AGBL4: variants seen among roughly 807,000 people sequenced by gnomAD.
The protein encoded by AGBL4 is cytosolic carboxypeptidase 6.
In AGBL4, 58 loss-of-function variants were observed where a neutral mutation model predicts 66.4. The ratio of observed to expected loss-of-function variants is 0.87; its 90% CI spans 0.71 to 1.09. The LOEUF (loss-of-function observed/expected upper bound fraction) is 1.09, where lower values mean the gene tolerates loss of function less well. Ranked by LOEUF, AGBL4 falls within the 50% of genes least tolerant of loss-of-function variation. AGBL4 has a pLI of 0.00. For synonymous variants in AGBL4, 234 were observed against 222.9 expected, an observed-to-expected ratio of 1.05 and a Z score of -0.44; for missense variants, 579 against 631.0, an observed-to-expected ratio of 0.92 and a Z score of 0.88.
At chr1:48,839,582 G>C (rs1467224471) in intron 6 of AGBL4, among the ~76,000 whole-genome samples, 1 of 152,156 alleles carries the variant, frequency 6.6e-6, no homozygotes, top group African/African-American at 2.4e-5. Context: ...AAGGTTAGTG[G>C]AGAGGGGAGA....
intron 3 of AGBL4, among the ~76,000 whole-genome samples, chr1:49,382,476 A>T (rs916090834): frequency 5.3e-5 from 8 of 152,130 alleles, no homozygotes; most frequent in African/African-American, 1.9e-4. Context: ...TCATGATGAA[A>T]AAAAAAGTCA....
intron 3 of AGBL4, among the ~76,000 whole-genome samples, chr1:49,297,597 C>T (rs184307668): frequency 1.1e-4 from 17 of 152,174 alleles, no homozygotes; most frequent in Admixed American, 3.9e-4. Flanking sequence ...CTTGGTTTCT[C>T]GCATTTAGTA....
At chr1:48,757,348 ATT>A (rs1262534373) in intron 6 of AGBL4, among the ~76,000 whole-genome samples, 2 of 152,216 alleles carry the variant, frequency 1.3e-5, no homozygotes, top group Non-Finnish European at 2.9e-5. Context: ...TACATTTATG[ATT>A]TCTCTTTGAG....
intron 3 of AGBL4, among the ~76,000 whole-genome samples, chr1:49,448,688 T>C (rs1053843670): frequency 2.0e-5 from 3 of 152,204 alleles, no homozygotes; most frequent in African/African-American, 7.2e-5. Flanking sequence ...GAGGAAAGAA[T>C]GTTGGCAAAC....
intron 4 of AGBL4, among the ~76,000 whole-genome samples, chr1:49,229,368 T>G (rs1488672599): frequency 1.3e-5 from 2 of 152,208 alleles, no homozygotes; most frequent in Non-Finnish European, 2.9e-5. Flanking sequence ...GAAGAACATT[T>G]TTTAAAAAGA....
intron 5 of AGBL4, among the ~76,000 whole-genome samples, chr1:49,012,081 C>G (rs1857337): frequency 0.028 from 4,181 of 151,778 alleles, 168 homozygotes; most frequent in African/African-American, 0.096. Context: ...TCCCCCACCC[C>G]CTCCAAGTAT....
At chr1:49,813,949 T>C (rs530706833) in intron 2 of AGBL4, among the ~76,000 whole-genome samples, 7 of 152,116 alleles carry the variant, frequency 4.6e-5, no homozygotes, top group East Asian at 3.9e-4. Context: ...ATTCTCATGA[T>C]AGTGAATATG....
intron 5 of AGBL4, among the ~76,000 whole-genome samples, chr1:49,008,048 G>A (rs1029624858): frequency 6.6e-6 from 1 of 152,102 alleles, no homozygotes; most frequent in East Asian, 1.9e-4. Flanking sequence ...AAATGTAAAT[G>A]GACTAAATGC....
chr1:50,019,306 T>TCACA (rs35648756), intron 1 of AGBL4, among the ~76,000 whole-genome samples: 3,900 of 48,330 alleles, frequency 0.081, 285 homozygotes, highest in Middle Eastern at 0.17. Context: ...TCTCTCTCTC[T>TCACA]CACACACACA....
At chr1:49,368,390 T>C (rs1167622861) in intron 3 of AGBL4, among the ~76,000 whole-genome samples, 1 of 152,222 alleles carries the variant, frequency 6.6e-6, no homozygotes, top group Non-Finnish European at 1.5e-5. Context: ...ATGAGGTTAA[T>C]CTTTTAAAAG....
chr1:48,689,563 T>C (rs1381289884), intron 6 of AGBL4, among the ~76,000 whole-genome samples: 1 of 151,898 alleles, frequency 6.6e-6, no homozygotes, highest in Non-Finnish European at 1.5e-5. Context: ...GCACTAGGGC[T>C]GGGGTAATCT....
intron 3 of AGBL4, among the ~76,000 whole-genome samples, chr1:49,640,833 A>T (rs1380379006): frequency 6.6e-6 from 1 of 152,182 alleles, no homozygotes; most frequent in Non-Finnish European, 1.5e-5. Flanking sequence ...AATCTAGTGC[A>T]TAACACCAGA....
At chr1:49,659,954 G>T (rs1646234692) in intron 3 of AGBL4, among the ~76,000 whole-genome samples, 1 of 152,042 alleles carries the variant, frequency 6.6e-6, no homozygotes, top group African/African-American at 2.4e-5. Context: ...ATTAACTCAA[G>T]ACGGATAAAA....
At chr1:49,925,666 T>C (rs6697839) in intron 1 of AGBL4, among the ~76,000 whole-genome samples, 104,354 of 152,018 alleles carry the variant, frequency 0.69, 36,594 homozygotes, top group African/African-American at 0.78. Context: ...ACATGAGCCC[T>C]ACACCTGGCA....
downstream of AGBL4, among the ~76,000 whole-genome samples, chr1:48,530,835 G>C (rs952716247): frequency 1.3e-5 from 2 of 152,186 alleles, no homozygotes; most frequent in African/African-American, 4.8e-5. Flanking sequence ...GAAATGCACA[G>C]AACACTGCTT....
intron 4 of AGBL4, among the ~76,000 whole-genome samples, chr1:49,089,083 T>C (rs1011727100): frequency 1.3e-5 from 2 of 151,838 alleles, no homozygotes; most frequent in Admixed American, 6.6e-5. Context: ...TCTCAGAATC[T>C]CTGGGACACA....
intron 4 of AGBL4, among the ~76,000 whole-genome samples, chr1:49,129,385 C>T (rs1462185725): frequency 6.6e-6 from 1 of 151,576 alleles, no homozygotes; most frequent in Admixed American, 6.6e-5. Flanking sequence ...CATATGTATA[C>T]ATGTGCCATG....
intron 3 of AGBL4, among the ~76,000 whole-genome samples, chr1:49,695,858 C>T (rs1008825556): frequency 6.6e-6 from 1 of 152,066 alleles, no homozygotes; most frequent in Non-Finnish European, 1.5e-5. Context: ...AGCAAAGTGG[C>T]TGTATTTGCA....
At chr1:49,747,475 G>A (rs765919903) in intron 2 of AGBL4, among the ~76,000 whole-genome samples, 1 of 152,158 alleles carries the variant, frequency 6.6e-6, no homozygotes, top group Non-Finnish European at 1.5e-5. Flanking sequence ...AATCCCACAA[G>A]AGCAATTGTG....
Sources: allele counts gnomAD v4.1 joint callset (sites outside exome capture counted in the v4.1 genomes callset), GRCh38; gene constraint gnomAD v4.1.1; transcripts MANE v1.5; gene names NCBI Gene and HGNC (gene_info 2026-07-23, HGNC 2026-07-21).